CDH23: variants seen among roughly 807,000 people sequenced by gnomAD.
The protein encoded by CDH23 is cadherin related 23.
CDH23 carries 189 observed loss-of-function variants against 317.1 expected under a neutral mutation model. The ratio of observed to expected loss-of-function variants is 0.60; its 90% CI spans 0.53 to 0.67. The LOEUF (loss-of-function observed/expected upper bound fraction) is 0.67. Ranked by LOEUF, CDH23 falls within the 30% of genes least tolerant of loss-of-function variation. CDH23 has a pLI of 0.00. For missense variants in CDH23, 4,401 were observed against 4,592.4 expected, an observed-to-expected ratio of 0.96 and a Z score of 1.20; for synonymous variants, 1,839 against 1,876.8, an observed-to-expected ratio of 0.98 and a Z score of 0.52.
chr10:71,741,028 T>C (rs936392939), intron 37 of CDH23, 78 bp downstream of exon 37: 42 of 1,544,368 alleles, frequency 2.7e-5, no homozygotes, highest in Admixed American at 3.3e-5. Context: ...AGCCCCTGTT[T>C]AAATGTCTGC....
chr10:71,632,514 G>A (rs78470528), intron 11 of CDH23, among the ~76,000 whole-genome samples: 1,821 of 152,222 alleles, frequency 0.012, 33 homozygotes, highest in African/African-American at 0.042. Flanking sequence ...CTGGACGAGG[G>A]GTCAGGACTG....
chr10:71,471,710 C>G (rs1219521065), intron 3 of CDH23, among the ~76,000 whole-genome samples: 1 of 152,270 alleles, frequency 6.6e-6, no homozygotes, highest in Non-Finnish European at 1.5e-5. Flanking sequence ...TGTTTCTGAC[C>G]CCAGGGCCTT....
At chr10:71,684,309 A>T (rs574030743) in intron 18 of CDH23, among the ~76,000 whole-genome samples, 2 of 152,122 alleles carry the variant, frequency 1.3e-5, no homozygotes, top group South Asian at 4.1e-4. Context: ...TCGTAGCTGC[A>T]CTCACAACCC....
At chr10:71,625,787 C>T (rs1216925719) in intron 11 of CDH23, among the ~76,000 whole-genome samples, 2 of 152,288 alleles carry the variant, frequency 1.3e-5, no homozygotes, top group East Asian at 3.9e-4. Context: ...GAGTTCTCAG[C>T]CCATCTGGGG....
At chr10:71,644,839 G>A (rs1589291955) in intron 12 of CDH23, among the ~76,000 whole-genome samples, 1 of 152,376 alleles carries the variant, frequency 6.6e-6, no homozygotes, top group Non-Finnish European at 1.5e-5. Flanking sequence ...CTGCAAGAGA[G>A]GTCAGAAGGA....
intron 6 of CDH23, among the ~76,000 whole-genome samples, chr10:71,554,034 A>G (rs1034067180): frequency 6.6e-6 from 1 of 152,206 alleles, no homozygotes; most frequent in Admixed American, 6.5e-5. Flanking sequence ...TTGTCTATAC[A>G]CATTTCCACC....
intron 11 of CDH23, among the ~76,000 whole-genome samples, chr10:71,634,128 C>G (rs567389104): frequency 6.6e-6 from 1 of 152,368 alleles, no homozygotes; most frequent in East Asian, 1.9e-4. Context: ...CCTCCCTGCT[C>G]CCTGCCTGGA....
rs1167280598 is a variant in CDH23 at position 71,712,791 on chromosome 10, C to T, written c.3347C>T (p.Pro1116Leu). The T allele has an allele frequency of 6.2e-7, 1 of 1,612,658 alleles. No individual in the cohort carries two copies. Among genetic ancestry groups the T allele is most frequent in the Non-Finnish European group, 8.5e-7 (1 of 1,179,556 alleles). The change falls in exon 28 of 70, where the codon CCT becomes CTT. Residue 1116 changes from proline (P) to leucine (L), a missense_variant. This residue lies in a region of CDH23 where 3,068 missense variants were observed against 3,203.3 expected (regional missense o/e 0.96). Transcript: ENST00000224721. ...SYEASVPEDI[P>L]EGHSILQLKA... Reference sequence around the variant, plus strand: ...GAGGCCAGCGTCCCTGAGGACATCCCTGAAGGCCACAGCATCTTGCAGGCA... The same window carrying T: ...GAGGCCAGCGTCCCTGAGGACATCCTTGAAGGCCACAGCATCTTGCAGGCA...
intron 38 of CDH23, chr10:71,755,368 A>G: frequency 1.2e-6 from 2 of 1,608,522 alleles, no homozygotes; most frequent in Non-Finnish European, 1.7e-6. Flanking sequence ...CGGCGGTTGG[A>G]GGCTGCCTGC....
At chr10:71,807,470 G>A in intron 58 of CDH23, 46 bp from the exon 59 acceptor site, 1 of 1,612,592 alleles carries the variant, frequency 6.2e-7, no homozygotes, top group Non-Finnish European at 8.5e-7. Flanking sequence ...CATATGCCCT[G>A]CTCCTGGCCC....
chr10:71,603,828 G>A (rs974313351), intron 9 of CDH23, among the ~76,000 whole-genome samples: 5 of 152,242 alleles, frequency 3.3e-5, no homozygotes, highest in African/African-American at 1.2e-4. Context: ...TCACCTGACA[G>A]TGCCTCAGTT....
intron 3 of CDH23, among the ~76,000 whole-genome samples, chr10:71,469,360 A>G (rs138557678): frequency 1.3e-5 from 2 of 152,130 alleles, no homozygotes; most frequent in Non-Finnish European, 2.9e-5. Flanking sequence ...GTTAGTTTGC[A>G]TTCTCCAGAA....
Position 71,779,456 on chromosome 10 carries a change from G to A in CDH23, c.5368+9G>A, listed in dbSNP as rs1188109555. 6.3e-7 allele frequency: 1 copy of A among 1,590,844 alleles called. No homozygotes were observed. The highest frequency in any genetic ancestry group is 8.6e-7 in the Non-Finnish European group (1 of 1,162,880). On this transcript the variant is annotated intron_variant, in intron 41 of 69. Transcript: ENST00000224721. ...GGATGGAGACCCTCTGGGTGAGTGG[G>A]GCTTGGGGCATGCCACCCACAGGGT...
rs1856223410 is a variant in CDH23 at position 71,545,486 on chromosome 10, C to A, written c.430-21256C>A. On this transcript the variant is annotated intron_variant, in intron 6 of 69. Coordinates refer to ENST00000224721, the MANE Select transcript of CDH23 (RefSeq NM_022124.6). ...CCATAAGGAGACCCGATGCTTACCC[C>A]CAAAGAGTCTTTTGCACTTTCAGTT... Among the ~76,000 whole-genome samples, 3 of 152,354 alleles carry A rather than the reference C, an allele frequency of 2.0e-5. No homozygotes were observed. In the South Asian group the frequency reaches 6.2e-4, roughly 32 times the overall value.
chr10:71,585,067 G>A (rs1380428914), intron 9 of CDH23, among the ~76,000 whole-genome samples: 1 of 152,214 alleles, frequency 6.6e-6, no homozygotes, highest in East Asian at 1.9e-4. Context: ...AGGAAGCACT[G>A]GAATGAGGGC....
intron 14 of CDH23, among the ~76,000 whole-genome samples, chr10:71,674,826 A>G (rs1232972913): frequency 6.6e-6 from 1 of 152,200 alleles, no homozygotes; most frequent in Non-Finnish European, 1.5e-5. Flanking sequence ...AACCCCCATT[A>G]AAACTTTAGG....
chr10:71,598,577 G>T (rs886409444), intron 9 of CDH23, among the ~76,000 whole-genome samples: 3 of 152,352 alleles, frequency 2.0e-5, no homozygotes, highest in Non-Finnish European at 4.4e-5. Context: ...AGCTGATGGG[G>T]AAGGAGGCAG....
chr10:71,414,113 C>T (rs1848443973), intron 1 of CDH23, among the ~76,000 whole-genome samples: 1 of 147,466 alleles, frequency 6.8e-6, no homozygotes, highest in Non-Finnish European at 1.5e-5. Flanking sequence ...CATGTATGAT[C>T]ATGTCTTCTG....
chr10:71,462,025 C>T (rs1395509524), intron 3 of CDH23, among the ~76,000 whole-genome samples: 10 of 152,262 alleles, frequency 6.6e-5, no homozygotes, highest in Non-Finnish European at 1.2e-4. Flanking sequence ...CTGGCAGCGC[C>T]TGCCCTTTGG....
Sources: allele counts gnomAD v4.1 joint callset (sites outside exome capture counted in the v4.1 genomes callset), GRCh38; gene constraint gnomAD v4.1.1; regional missense constraint gnomAD v4.1.1; transcripts MANE v1.5; gene names NCBI Gene and HGNC (gene_info 2026-07-23, HGNC 2026-07-21).